The following ALDH1A2 variants were observed in gnomAD, a reference collection of about 807,000 sequenced individuals.
ALDH1A2 encodes the protein retinal dehydrogenase 2.
ALDH1A2 carries 27 observed loss-of-function variants against 60.3 expected under a neutral mutation model. The observed-to-expected ratio is 0.45, with a 90% CI of 0.33 to 0.62. ALDH1A2 has a LOEUF of 0.62. Ranked by LOEUF, ALDH1A2 falls within the 20% of genes least tolerant of loss-of-function variation. ALDH1A2 has a pLI of 0.02. For missense variants in ALDH1A2, 581 were observed against 643.8 expected (o/e 0.90, Z 1.06); for synonymous variants, 289 against 232.4 (o/e 1.24, Z -2.21).
In ALDH1A2 at chr15:57,963,639, G is replaced by A. The variant is rs148238767; in HGVS notation, c.1086+246C>T. On this transcript the variant is annotated intron_variant, in intron 9 of 12. Coordinates refer to ENST00000249750, the MANE Select transcript of ALDH1A2 (RefSeq NM_003888.4). ...ATTACAGGCGTGAGCCACTGCGCCC[G>A]GCCAGAATATTCTTAAAGTAATGGT... Among the ~76,000 whole-genome samples the A allele has an allele frequency of 1.3e-4, 20 of 152,186 alleles. No individual in the cohort carries two copies. The East Asian group carries it at 3.5e-3, about 26-fold the overall frequency.
At chr15:57,977,793 A>G (rs546205671) in intron 7 of ALDH1A2, among the ~76,000 whole-genome samples, 12 of 152,350 alleles carry the variant, frequency 7.9e-5, no homozygotes, top group African/African-American at 2.9e-4. Context: ...GAATTTATAA[A>G]TTACTTTGGG....
chr15:57,968,995 C>T (rs1346705426), intron 7 of ALDH1A2, among the ~76,000 whole-genome samples: 67 of 127,540 alleles, frequency 5.3e-4, no homozygotes, highest in Non-Finnish European at 1.7e-4. Flanking sequence ...CCCACTAACT[C>T]GGTAAACACC....
chr15:57,984,661 G>C (rs1566937863), intron 7 of ALDH1A2, among the ~76,000 whole-genome samples: 1 of 152,152 alleles, frequency 6.6e-6, no homozygotes, highest in Non-Finnish European at 1.5e-5. Flanking sequence ...TGTTTTCAAG[G>C]CTCATTCAGG....
intron 1 of ALDH1A2, among the ~76,000 whole-genome samples, chr15:58,051,116 C>G (rs1432082719): frequency 6.6e-6 from 1 of 152,076 alleles, no homozygotes; most frequent in African/African-American, 2.4e-5. Flanking sequence ...AAGGTTTGCA[C>G]TTGACTCAGA....
Position 57,995,229 on chromosome 15 carries a change from A to AC in ALDH1A2, c.494-91_494-90insG, listed in dbSNP as rs1895014858. On this transcript the variant is annotated intron_variant, in intron 4 of 12. Transcript: ENST00000249750. ...ACTTTGGTGGCTGCAAAAAAAAAAA[A>AC]AAAAAAACAAACAGAAATAAACTTG... The AC allele has an allele frequency of 1.3e-5, 10 of 754,596 alleles. 1 individual carries two copies. Among genetic ancestry groups the AC allele is most frequent in the South Asian group, 3.0e-5 (2 of 65,716 alleles). 46.7% of individuals were successfully genotyped at this position (754,596 alleles called of 1,614,324 possible). A position where few individuals can be genotyped will look rare whatever the true frequency, so the allele number is the denominator to read the frequency against.
intron 1 of ALDH1A2, among the ~76,000 whole-genome samples, chr15:58,034,925 T>C (rs1896338340): frequency 6.6e-6 from 1 of 151,694 alleles, no homozygotes; most frequent in African/African-American, 2.4e-5. Context: ...TAATAGTTTG[T>C]AGTATTCCAT....
At chr15:58,004,592 G>C (rs1214583558) in intron 4 of ALDH1A2, among the ~76,000 whole-genome samples, 4 of 151,206 alleles carry the variant, frequency 2.6e-5, no homozygotes, top group South Asian at 4.2e-4. Flanking sequence ...TTCTGTTTCT[G>C]GGTTATTTCA....
At chr15:58,041,074 T>A (rs1896509095) in intron 1 of ALDH1A2, among the ~76,000 whole-genome samples, 1 of 151,878 alleles carries the variant, frequency 6.6e-6, no homozygotes, top group African/African-American at 2.4e-5. Context: ...CAAGTGGCCA[T>A]CTGTACCATT....
At position 57,977,237 on chromosome 15, in the gene ALDH1A2, C is replaced by T. The variant is rs938927112; in HGVS notation, c.799-11410G>A. On this transcript the variant is annotated intron_variant, in intron 7 of 12. Coordinates refer to ENST00000249750, the MANE Select transcript of ALDH1A2 (RefSeq NM_003888.4). ...TCTGATGATAGTTTCTTTTGCTGTGCACAAGCGGTTTAGTTTAATTAGATC... is the reference window on the plus strand; with the variant it reads ...TCTGATGATAGTTTCTTTTGCTGTGTACAAGCGGTTTAGTTTAATTAGATC... 4.6e-5 allele frequency among the ~76,000 whole-genome samples: 7 copies of T among 152,198 alleles called. No individual in the cohort carries two copies. In the East Asian group the frequency reaches 1.2e-3, roughly 25 times the overall value.
intron 4 of ALDH1A2, among the ~76,000 whole-genome samples, chr15:58,000,817 T>A (rs1305771859): frequency 1.3e-5 from 2 of 151,872 alleles, no homozygotes; most frequent in Non-Finnish European, 2.9e-5. Context: ...TGCTCTCAGC[T>A]GAGGCTCATG....
At position 58,052,055 on chromosome 15, in the gene ALDH1A2, T is replaced by C. The variant is rs189184119; in HGVS notation, c.117+13479A>G. Among the ~76,000 whole-genome samples the C allele has an allele frequency of 1.2e-4, 18 of 152,296 alleles. No homozygotes were observed. In the East Asian group the frequency reaches 3.5e-3, roughly 29 times the overall value. On this transcript the variant is annotated intron_variant, in intron 1 of 12. Transcript: ENST00000249750. ...GGAGTCACTGCTCTAATTTCTAATA[T>C]GGTAAGTCCTTAGCAAATATGAAAC...
At chr15:58,027,990 G>A (rs1382779634) in intron 1 of ALDH1A2, among the ~76,000 whole-genome samples, 8 of 152,140 alleles carry the variant, frequency 5.3e-5, no homozygotes, top group Non-Finnish European at 8.8e-5. Flanking sequence ...ACATTATCCA[G>A]GAGAACTTCC....
At chr15:57,977,077 C>T (rs1399690901) in intron 7 of ALDH1A2, among the ~76,000 whole-genome samples, 1 of 148,208 alleles carries the variant, frequency 6.7e-6, no homozygotes, top group African/African-American at 2.5e-5. Flanking sequence ...GTGTTCATAT[C>T]CTTTGCCCAC....
chr15:57,964,125 T>C (rs1893819754), intron 8 of ALDH1A2, 56 bp from the exon 9 acceptor site: 1 of 1,595,296 alleles, frequency 6.3e-7, no homozygotes, highest in Non-Finnish European at 8.6e-7. Flanking sequence ...GGCCTGTCTA[T>C]GAAGCCGCCT....
intron 1 of ALDH1A2, among the ~76,000 whole-genome samples, chr15:58,063,563 A>C (rs1293935665): frequency 1.3e-5 from 2 of 152,292 alleles, no homozygotes. Flanking sequence ...TAAAAAAAAA[A>C]TACTGCTTGT....
chr15:57,994,026 T>A (rs1297041988), intron 5 of ALDH1A2, among the ~76,000 whole-genome samples: 1 of 152,208 alleles, frequency 6.6e-6, no homozygotes, highest in Non-Finnish European at 1.5e-5. Flanking sequence ...CTACAGTGTA[T>A]AAATCTTAAA....
At chr15:58,010,136 T>C (rs1346078243) in intron 4 of ALDH1A2, among the ~76,000 whole-genome samples, 1 of 152,166 alleles carries the variant, frequency 6.6e-6, no homozygotes, top group Non-Finnish European at 1.5e-5. Flanking sequence ...ATTATGAAAG[T>C]AATTCACGGC....
chr15:58,008,066 A>T (rs1445533377), intron 4 of ALDH1A2, among the ~76,000 whole-genome samples: 1 of 152,052 alleles, frequency 6.6e-6, no homozygotes, highest in Non-Finnish European at 1.5e-5. Context: ...AAACTGGAAA[A>T]GAGAGGACAG....
At chr15:58,044,288 C>T (rs1946852860) in intron 1 of ALDH1A2, among the ~76,000 whole-genome samples, 1 of 151,904 alleles carries the variant, frequency 6.6e-6, no homozygotes. Flanking sequence ...GGTATTTGTC[C>T]TAATGCTCTC....
Sources: gnomAD v4.1 joint callset for allele counts (sites outside exome capture counted in the v4.1 genomes callset) on GRCh38, gnomAD v4.1.1 for gene constraint, MANE v1.5 for transcripts, NCBI Gene and HGNC (gene_info 2026-07-23, HGNC 2026-07-21) for gene names.